PKD1L3: variants seen among roughly 807,000 people sequenced by gnomAD.
PKD1L3 encodes the protein polycystin-1-like protein 3.
In PKD1L3, 239 loss-of-function variants were observed where a neutral mutation model predicts 184.1. The observed-to-expected ratio is 1.30, with a 90% CI of 1.17 to 1.45. PKD1L3 has a LOEUF of 1.45. Ranked by LOEUF, PKD1L3 falls within the 40% of genes most tolerant of loss-of-function variation. The pLI is 0.00. For synonymous variants in PKD1L3, 996 were observed against 778.8 expected (o/e 1.28, Z -4.64); for missense variants, 2,660 against 2,067.2 (o/e 1.29, Z -5.56).
At chr16:71,933,801 G>A (rs761859734) in intron 27 of PKD1L3, 114 bp downstream of exon 27, 15 of 1,199,360 alleles carry the variant, frequency 1.3e-5, no homozygotes, top group Non-Finnish European at 1.6e-5. Flanking sequence ...ATCTAAACCC[G>A]GCTTTCCTAC....
chr16:71,964,067 C>T (rs1336991024), intron 15 of PKD1L3, among the ~76,000 whole-genome samples: 2 of 152,072 alleles, frequency 1.3e-5, no homozygotes, highest in Non-Finnish European at 2.9e-5. Flanking sequence ...TCACAGGCCT[C>T]ATCTCCACTT....
chr16:71,952,116 C>T (rs534941828), intron 18 of PKD1L3, among the ~76,000 whole-genome samples: 1 of 150,890 alleles, frequency 6.6e-6, no homozygotes, highest in Non-Finnish European at 1.5e-5. Context: ...AAATATATTA[C>T]AGGTAACAGG....
At chr16:71,986,591 T>TA (rs1036910443) in intron 4 of PKD1L3, 122 bp from the exon 5 acceptor site, 74 of 1,145,610 alleles carry the variant, frequency 6.5e-5, no homozygotes, top group East Asian at 7.9e-5. Context: ...GCATTTCTGT[T>TA]AAAAAAAATT....
chr16:71,954,855 G>A (rs2038984963), intron 16 of PKD1L3, among the ~76,000 whole-genome samples: 1 of 152,156 alleles, frequency 6.6e-6, no homozygotes, highest in East Asian at 1.9e-4. Context: ...CTGGAGGAAG[G>A]TAGTACAAAA....
rs576838096 is a variant in PKD1L3, at chr16:71,998,671, G to A, written c.296-277C>T. Among the ~76,000 whole-genome samples the A allele has an allele frequency of 8.5e-5, 13 of 152,048 alleles. No homozygotes were observed. In the East Asian group the frequency reaches 2.1e-3, roughly 25 times the overall value. ...TCACCATGTTGGCCAGGCTGGTCTC[G>A]AACTCCTGATCTCAGGTGATCCATC... On this transcript the variant is annotated intron_variant, in intron 1 of 29. Transcript: ENST00000620267.
intron 17 of PKD1L3, among the ~76,000 whole-genome samples, chr16:71,953,598 CT>C (rs968913620): frequency 4.6e-5 from 7 of 152,106 alleles, no homozygotes; most frequent in African/African-American, 1.7e-4. Flanking sequence ...CTGCCACACA[CT>C]TTTTTTTAAT....
intron 6 of PKD1L3, among the ~76,000 whole-genome samples, chr16:71,982,724 G>T (rs536507439): frequency 6.6e-6 from 1 of 152,046 alleles, no homozygotes; most frequent in Non-Finnish European, 1.5e-5. Context: ...AGCCTCCCCA[G>T]TAGCTAGGAC....
chr16:71,991,202 G>T, intron 3 of PKD1L3: 1 of 217,290 alleles, frequency 4.6e-6, no homozygotes, highest in South Asian at 8.4e-5. Context: ...AGTTGTACCT[G>T]ATTTTATCAC....
In PKD1L3 at chr16:71,942,703, C is replaced by T. The variant is rs1013187006; in HGVS notation, c.4181G>A (p.Arg1394His). The change falls in exon 24 of 30, where the codon CGT becomes CAT. Residue 1394 changes from arginine (R) to histidine (H), a missense_variant. Arg to His is a conservative substitution (Grantham distance 29). Transcript: ENST00000620267. ...AFCDNGHTCG[R>H]PKSLFPGLHL... ...AAGTCCAGGGAATAGGCTCTTGGGA[C>T]GCCCACAGGTATGGCCGTTATCACA... 3.2e-5 allele frequency: 49 copies of T among 1,551,588 alleles called. No homozygotes were observed. Among genetic ancestry groups the T allele is most frequent in the Middle Eastern group, 3.3e-4 (2 of 6,014 alleles).
chr16:71,952,807 C>CA, intron 18 of PKD1L3, 87 bp downstream of exon 18: 1 of 1,357,806 alleles, frequency 7.4e-7, no homozygotes, highest in Non-Finnish European at 9.9e-7. Context: ...CACTACACTC[C>CA]AGTCTGTGCA....
intron 28 of PKD1L3, among the ~76,000 whole-genome samples, chr16:71,933,149 CTT>C (rs2038047101): frequency 6.6e-6 from 1 of 152,100 alleles, no homozygotes; most frequent in Non-Finnish European, 1.5e-5. Context: ...AGAGCACAAG[CTT>C]CGGCTCAGTG....
intron 13 of PKD1L3, 96 bp downstream of exon 13, chr16:71,969,779 G>C (rs1411526101): frequency 5.4e-6 from 6 of 1,114,924 alleles, no homozygotes; most frequent in African/African-American, 3.2e-5. Flanking sequence ...CCCAGTACCA[G>C]GCTTCCTGCT....
At chr16:71,999,523 C>T (rs749549896) in intron 1 of PKD1L3, among the ~76,000 whole-genome samples, 161 bp downstream of exon 1, 12 of 151,970 alleles carry the variant, frequency 7.9e-5, no homozygotes, top group Non-Finnish European at 1.5e-4. Flanking sequence ...CAAAGGCTGT[C>T]GCACAAAATG....
Position 71,934,115 on chromosome 16 carries a change from A to G in PKD1L3, c.4624T>C (p.Phe1542Leu), listed in dbSNP as rs375937267. Residue 1542 changes from phenylalanine to leucine, a missense_variant, in exon 27 of 30, where the codon TTC becomes CTC. Physicochemically the swap from Phe to Leu is conservative, Grantham distance 22. Transcript: ENST00000620267. ...GAGTTCACTTTTACTGCCTCATAGAAGCTGATGAATCTGCACCAAGGAAAG... is the reference window on the plus strand; with the variant it reads ...GAGTTCACTTTTACTGCCTCATAGAGGCTGATGAATCTGCACCAAGGAAAG... ...YRDDQDRFISFYEAVKVNSAA... is the reference protein window; with the variant it reads ...YRDDQDRFISLYEAVKVNSAA... 2.6e-6 allele frequency: 4 copies of G among 1,551,776 alleles called. No individual in the cohort carries two copies. In the African/African-American group the frequency reaches 5.5e-5, roughly 21 times the overall value.
At position 71,977,283 on chromosome 16, in the gene PKD1L3, T is replaced by G; in HGVS notation, c.1712A>C (p.His571Pro). 1 of 1,539,840 alleles carries G rather than the reference T, an allele frequency of 6.5e-7. No homozygotes were observed. The highest frequency in any genetic ancestry group is 8.8e-7 in the Non-Finnish European group (1 of 1,136,280). The change falls in exon 11 of 30, where the codon CAC becomes CCC. Residue 571 changes from histidine (H) to proline (P), a missense_variant. His to Pro is a moderately conservative substitution (Grantham distance 77, BLOSUM62 -2). Coordinates refer to ENST00000620267, the MANE Select transcript of PKD1L3 (RefSeq NM_181536.2). ...TGGAAGGGTGATGTTCAGGTGGAAG[T>G]GAGTGCAGTTAGGCTGATACTGGAA... is the stretch of plus-strand genomic sequence containing the variant. ...LGFQYQPNCT[H>P]FHLNITLPKD...
Position 71,982,162 on chromosome 16 carries a change from A to G in PKD1L3, c.1040T>C (p.Leu347Pro), listed in dbSNP as rs2040186161. 1 of 1,551,654 alleles carries G rather than the reference A, an allele frequency of 6.4e-7. No individual in the cohort carries two copies. Among genetic ancestry groups the G allele is most frequent in the South Asian group, 1.2e-5 (1 of 84,038 alleles). The change falls in exon 7 of 30, where the codon CTG (leucine) becomes CCG (proline). Residue 347 changes from leucine to proline, a missense_variant. Physicochemically the swap from Leu to Pro is moderately conservative, Grantham distance 98. Transcript: ENST00000620267. Reference protein sequence around the residue: ...LRIPFQNNNSLGFKVPPTVCP... With the variant: ...LRIPFQNNNSPGFKVPPTVCP... ...GACAGTTGGAGGAACTTTGAAGCCC[A>G]GACTGTTGTTGTTCTGAAATGGGAT...
At chr16:71,939,585 A>G (rs1025559964) in intron 24 of PKD1L3, among the ~76,000 whole-genome samples, 2 of 152,212 alleles carry the variant, frequency 1.3e-5, no homozygotes, top group Admixed American at 6.5e-5. Flanking sequence ...ATCCCTGTCT[A>G]TATTTTGTTA....
At chr16:71,941,667 C>G (rs571733793) in intron 24 of PKD1L3, among the ~76,000 whole-genome samples, 6 of 150,780 alleles carry the variant, frequency 4.0e-5, no homozygotes, top group Non-Finnish European at 5.9e-5. Context: ...TCACTGCAAC[C>G]TCCACCTCCT....
chr16:71,966,102 T>C (rs946413815), intron 15 of PKD1L3, among the ~76,000 whole-genome samples: 3 of 151,878 alleles, frequency 2.0e-5, no homozygotes, highest in Non-Finnish European at 4.4e-5. Flanking sequence ...AAAAATGTAT[T>C]TTGCTAACAA....
Sources: gnomAD v4.1 joint callset for allele counts (sites outside exome capture counted in the v4.1 genomes callset) on GRCh38, gnomAD v4.1.1 for gene constraint, MANE v1.5 for transcripts, NCBI Gene and HGNC (gene_info 2026-07-23, HGNC 2026-07-21) for gene names.